CACNA2D3: variants seen among roughly 807,000 people sequenced by gnomAD.
CACNA2D3 encodes the protein voltage-dependent calcium channel subunit alpha-2/delta-3.
In CACNA2D3, 60 loss-of-function variants were observed where a neutral mutation model predicts 160.6. The observed-to-expected ratio is 0.37, with a 90% CI of 0.30 to 0.46. CACNA2D3 has a LOEUF of 0.46. Ranked by LOEUF, CACNA2D3 falls within the 20% of genes least tolerant of loss-of-function variation. CACNA2D3 has a pLI of 1.00. For synonymous variants in CACNA2D3, 558 were observed against 492.9 expected (o/e 1.13, Z -1.75); for missense variants, 1,205 against 1,365.0 (o/e 0.88, Z 1.85).
chr3:54,896,037 C>A (rs1443187512), intron 25 of CACNA2D3, among the ~76,000 whole-genome samples: 1 of 152,154 alleles, frequency 6.6e-6, no homozygotes, highest in African/African-American at 2.4e-5. Context: ...CAAAAGCTTG[C>A]ATGTGTTTCT....
At chr3:54,405,268 G>GT (rs1457581206) in intron 4 of CACNA2D3, among the ~76,000 whole-genome samples, 1 of 81,606 alleles carries the variant, frequency 1.2e-5, no homozygotes, top group East Asian at 3.8e-4. Flanking sequence ...ATACTACTCA[G>GT]TAAAAAAAAA....
chr3:54,314,893 G>A lies in CACNA2D3; in HGVS notation c.205-5549G>A, dbSNP rs575364109. On this transcript the variant is annotated intron_variant, in intron 2 of 37. Coordinates refer to ENST00000474759, the MANE Select transcript of CACNA2D3 (RefSeq NM_018398.3). ...CCTTTCACCTGGTGCCATAGTCATC[G>A]CTTCCATTTTTGTTTTCCTCTCTGC... Among the ~76,000 whole-genome samples, 451 of 152,106 alleles carry A rather than the reference G, an allele frequency of 3.0e-3. 10 individuals are homozygous for A. The highest frequency in any genetic ancestry group is 2.5e-3 in the East Asian group (13 of 5,178).
At chr3:54,590,211 A>C (rs1380801061) in intron 9 of CACNA2D3, among the ~76,000 whole-genome samples, 2 of 152,192 alleles carry the variant, frequency 1.3e-5, no homozygotes, top group Non-Finnish European at 2.9e-5. Context: ...ACTATGGAAT[A>C]TTACTTAGTA....
chr3:54,846,339 T>C, intron 16 of CACNA2D3, 54 bp from the exon 17 acceptor site: 3 of 1,200,482 alleles, frequency 2.5e-6, no homozygotes, highest in East Asian at 2.4e-5. Context: ...TTATGCTTTG[T>C]GAATTCACCA....
chr3:54,515,986 A>G (rs1425761528), intron 5 of CACNA2D3, among the ~76,000 whole-genome samples: 1 of 152,186 alleles, frequency 6.6e-6, no homozygotes, highest in Admixed American at 6.5e-5. Context: ...TAAGTGGCCA[A>G]GAGTGCAGCA....
intron 11 of CACNA2D3, among the ~76,000 whole-genome samples, chr3:54,689,004 A>AG (rs1700519318): frequency 8.8e-6 from 1 of 113,704 alleles, no homozygotes; most frequent in African/African-American, 3.1e-5. Context: ...AAAAAAAAAA[A>AG]AAAAAAAGAA....
chr3:54,519,778 T>C (rs1465371096), intron 5 of CACNA2D3, among the ~76,000 whole-genome samples: 2 of 152,210 alleles, frequency 1.3e-5, no homozygotes, highest in Non-Finnish European at 2.9e-5. Context: ...GGGATTTGGT[T>C]TATATTAGCT....
chr3:54,688,071 T>C (rs899325679), intron 11 of CACNA2D3, among the ~76,000 whole-genome samples: 4 of 152,234 alleles, frequency 2.6e-5, no homozygotes, highest in African/African-American at 7.2e-5. Flanking sequence ...TTATTATCTT[T>C]CATGTTGTAT....
intron 11 of CACNA2D3, among the ~76,000 whole-genome samples, chr3:54,679,544 A>T (rs945620583): frequency 6.6e-6 from 1 of 152,112 alleles, no homozygotes; most frequent in Non-Finnish European, 1.5e-5. Flanking sequence ...GTAGGCCTCC[A>T]TTCTTTGTGC....
intron 11 of CACNA2D3, among the ~76,000 whole-genome samples, chr3:54,681,108 T>C (rs1700339372): frequency 6.6e-6 from 1 of 150,594 alleles, no homozygotes; most frequent in Admixed American, 6.7e-5. Flanking sequence ...TCCTCTGTGT[T>C]ATTATCTAAG....
At chr3:54,838,372 G>A (rs938824081) in intron 15 of CACNA2D3, among the ~76,000 whole-genome samples, 196 bp from the exon 16 acceptor site, 2 of 152,116 alleles carry the variant, frequency 1.3e-5, no homozygotes, top group Non-Finnish European at 2.9e-5. Context: ...GGCCTGAGAA[G>A]CTCTCATTTT....
rs58289082 is a variant in CACNA2D3 at position 54,911,351 on chromosome 3, C to CTTT, written c.2449+11503_2449+11505dup. Among the ~76,000 whole-genome samples the CTTT allele has an allele frequency of 2.1e-3, 121 of 58,550 alleles. 6 individuals are homozygous for CTTT. The highest frequency in any genetic ancestry group is 9.3e-3 in the African/African-American group (105 of 11,298). The allele number at this position is 58,550 out of a possible 152,430, so 38.4% of individuals were successfully genotyped here. On this transcript the variant is annotated intron_variant, in intron 27 of 37. Transcript: ENST00000474759. ...CCTCCTCCCCCTCCTTCTTTGTCGT[C>CTTT]TTTTTTTTTTTTTTTTTTTTTTAAA... is the stretch of plus-strand genomic sequence containing the variant.
intron 14 of CACNA2D3, among the ~76,000 whole-genome samples, chr3:54,826,572 C>G (rs1409431910): frequency 6.6e-6 from 1 of 152,140 alleles, no homozygotes; most frequent in African/African-American, 2.4e-5. Flanking sequence ...TGGGACCCAT[C>G]CATATTTGCC....
At chr3:54,670,982 A>T (rs562481702) in intron 11 of CACNA2D3, among the ~76,000 whole-genome samples, 52 of 152,294 alleles carry the variant, frequency 3.4e-4, no homozygotes, top group Non-Finnish European at 6.9e-4. Context: ...TATTATTAAT[A>T]ATCTGGTGGT....
At chr3:54,188,061 A>G (rs1700908136) in intron 2 of CACNA2D3, among the ~76,000 whole-genome samples, 1 of 152,238 alleles carries the variant, frequency 6.6e-6, no homozygotes, top group Non-Finnish European at 1.5e-5. Context: ...CAGGGGATCA[A>G]CATGGGTATG....
At chr3:54,163,159 G>A (rs1175218097) in intron 2 of CACNA2D3, among the ~76,000 whole-genome samples, 1 of 152,206 alleles carries the variant, frequency 6.6e-6, no homozygotes. Context: ...GGCTATGCAG[G>A]TTGTGGTGAT....
intron 2 of CACNA2D3, among the ~76,000 whole-genome samples, chr3:54,209,615 A>G (rs144899161): frequency 0.01 from 1,530 of 152,334 alleles, 16 homozygotes; most frequent in South Asian, 0.024. Context: ...GATGGAAGAA[A>G]GACAGGAGCC....
chr3:54,565,189 G>A (rs1219516145), intron 6 of CACNA2D3, among the ~76,000 whole-genome samples: 1 of 152,124 alleles, frequency 6.6e-6, no homozygotes, highest in East Asian at 1.9e-4. Flanking sequence ...GAACTAGTCA[G>A]GATTATTGTG....
At chr3:54,572,726 G>A (rs1702519836) in intron 8 of CACNA2D3, among the ~76,000 whole-genome samples, 1 of 152,192 alleles carries the variant, frequency 6.6e-6, no homozygotes. Flanking sequence ...CCAGCCTAGT[G>A]GTGAGAATGC....
Sources: gnomAD v4.1 joint callset for allele counts (sites outside exome capture counted in the v4.1 genomes callset) on GRCh38, gnomAD v4.1.1 for gene constraint, MANE v1.5 for transcripts, NCBI Gene and HGNC (gene_info 2026-07-23, HGNC 2026-07-21) for gene names.